Variants in CUL4A observed in about 807,000 individuals in gnomAD.
CUL4A encodes cullin-4A.
A neutral mutation model predicts 95.5 loss-of-function variants in CUL4A; 16 were observed. The observed-to-expected ratio is 0.17, with a 90% confidence interval of 0.11 to 0.25. The LOEUF is 0.25. CUL4A is among the 10% of genes least tolerant of loss of function. CUL4A has a pLI of 1.00. For synonymous variants in CUL4A, 380 were observed against 353.1 expected (o/e 1.08, Z -0.85); for missense variants, 610 against 937.0 (o/e 0.65, Z 4.56).
chr13:113,223,020 G>A (rs1415044376), intron 3 of CUL4A, among the ~76,000 whole-genome samples: 4 of 152,156 alleles, frequency 2.6e-5, no homozygotes, highest in Admixed American at 1.3e-4. Flanking sequence ...TATGGCAGGC[G>A]GCTTAGTGAC....
At chr13:113,208,294 G>A (rs1359282373), upstream of CUL4A, 6 of 1,431,460 alleles carry the variant, frequency 4.2e-6, no homozygotes, top group African/African-American at 8.6e-5. Flanking sequence ...GCCTGGGAGC[G>A]CGGCCACACG....
intron 3 of CUL4A, among the ~76,000 whole-genome samples, chr13:113,222,417 T>A (rs2040932299): frequency 6.6e-6 from 1 of 152,072 alleles, no homozygotes; most frequent in South Asian, 2.1e-4. Context: ...ATCTGACTGC[T>A]GTGGAAGGAT....
In CUL4A at chr13:113,219,064, T is replaced by C; in HGVS notation, c.368+16T>C. ...CGTTTAGAGAATATCCTTTTTTTGG[T>C]TCATAAAGTTTCTATTCATTATCTA... On this transcript the variant is annotated intron_variant, in intron 3 of 19. Coordinates refer to ENST00000375440, the MANE Select transcript of CUL4A (RefSeq NM_001008895.4). 6.6e-7 allele frequency: 1 copy of C among 1,506,066 alleles called. No individual in the cohort carries two copies. The highest frequency in any genetic ancestry group is 9.1e-7 in the Non-Finnish European group (1 of 1,098,144). 93.3% of individuals were successfully genotyped at this position (1,506,066 alleles called of 1,614,324 possible). A position where few individuals can be genotyped will look rare whatever the true frequency, so the allele number is the denominator to read the frequency against.
chr13:113,226,708 T>C (rs2041116954), intron 3 of CUL4A, among the ~76,000 whole-genome samples: 3 of 152,184 alleles, frequency 2.0e-5, no homozygotes, highest in African/African-American at 7.2e-5. Context: ...AAGTTAAACC[T>C]GAGCCATTTT....
chr13:113,248,600 A>G (rs1461878291), intron 15 of CUL4A, among the ~76,000 whole-genome samples: 1 of 152,210 alleles, frequency 6.6e-6, no homozygotes, highest in Non-Finnish European at 1.5e-5. Context: ...AGTAACATCC[A>G]GTGCAGTTGT....
Position 113,264,575 on chromosome 13 carries a change from G to T in CUL4A, c.*993G>T, listed in dbSNP as rs1221440546. 1 of 152,590 alleles carries T rather than the reference G, an allele frequency of 6.6e-6. No individual in the cohort carries two copies. The highest frequency in any genetic ancestry group is 1.5e-5 in the Non-Finnish European group (1 of 68,026). 9.5% of individuals were successfully genotyped at this position (152,590 alleles called of 1,614,324 possible). On this transcript the variant is annotated 3_prime_UTR_variant, in exon 20 of 20. Transcript: ENST00000375440. ...TTTGTGTTGTGTATATATACATGAG[G>T]TTGAACAGTGAAAGGAAAGTTCAGT...
intron 2 of CUL4A, among the ~76,000 whole-genome samples, chr13:113,217,640 T>C (rs2040743553): frequency 6.6e-6 from 1 of 152,208 alleles, no homozygotes; most frequent in South Asian, 2.1e-4. Context: ...ATTAGTAAAA[T>C]GAATAGCTTT....
At chr13:113,216,643 C>T (rs1434061644) in intron 2 of CUL4A, among the ~76,000 whole-genome samples, 1 of 152,222 alleles carries the variant, frequency 6.6e-6, no homozygotes, top group Non-Finnish European at 1.5e-5. Flanking sequence ...ACAGTACCAT[C>T]TGATTAGTTG....
At chr13:113,254,487 CG>C (rs1340490615) in intron 16 of CUL4A, among the ~76,000 whole-genome samples, 1 of 151,906 alleles carries the variant, frequency 6.6e-6, no homozygotes, top group Non-Finnish European at 1.5e-5. Flanking sequence ...CCCAGCTACT[CG>C]GGAGGCTGAG....
intron 18 of CUL4A, among the ~76,000 whole-genome samples, chr13:113,260,128 C>CG (rs1424132797): frequency 7.1e-6 from 1 of 141,498 alleles, no homozygotes; most frequent in Non-Finnish European, 1.5e-5. Context: ...GGCGTGAACC[C>CG]GGGGGGCGGA....
At chr13:113,257,616 G>A (rs1179532383) in intron 18 of CUL4A, among the ~76,000 whole-genome samples, 2 of 152,076 alleles carry the variant, frequency 1.3e-5, no homozygotes. Flanking sequence ...CCAAGGGGAG[G>A]GCCCAAGCCA....
chr13:113,219,202 C>T (rs954762908), intron 3 of CUL4A, 154 bp downstream of exon 3: 1 of 504,056 alleles, frequency 2.0e-6, no homozygotes, highest in Admixed American at 3.8e-5. Context: ...CGAAATTTAC[C>T]ATTTAAATTA....
chr13:113,220,504 T>C (rs1439960179), intron 3 of CUL4A, among the ~76,000 whole-genome samples: 1 of 152,210 alleles, frequency 6.6e-6, no homozygotes, highest in Non-Finnish European at 1.5e-5. Context: ...GCAATGCGCT[T>C]CCAGGAACCT....
intron 15 of CUL4A, among the ~76,000 whole-genome samples, chr13:113,250,521 G>T (rs1226311584): frequency 6.6e-6 from 1 of 152,182 alleles, no homozygotes; most frequent in Non-Finnish European, 1.5e-5. Context: ...TAGCTCATAT[G>T]TTTCAGTCTT....
intron 2 of CUL4A, 33 bp downstream of exon 2, chr13:113,210,121 C>G: frequency 7.2e-7 from 1 of 1,392,764 alleles, no homozygotes; most frequent in Non-Finnish European, 9.5e-7. Context: ...GGACGCCGCT[C>G]CTGCCCCGCG....
chr13:113,243,300 T>C (rs2041771454), intron 11 of CUL4A, 140 bp downstream of exon 11: 1 of 712,620 alleles, frequency 1.4e-6, no homozygotes, highest in Non-Finnish European at 2.2e-6. Flanking sequence ...AAAGCGTTTT[T>C]ATCAAGTCTT....
Position 113,239,480 on chromosome 13 carries a change from A to G in CUL4A, c.964A>G (p.Met322Val). Residue 322 changes from methionine to valine, a missense_variant, in exon 10 of 20, where the codon ATG (methionine) becomes GTG (valine). Physicochemically the swap from Met to Val is conservative, Grantham distance 21 (BLOSUM62 1). This residue lies in a region of CUL4A where 153 missense variants were observed against 244.5 expected (regional missense o/e 0.63). Transcript: ENST00000375440. The stretch of plus-strand genomic sequence containing the variant: ...GAACAGAGTGCCGGACCTCGCACAG[A>G]TGTACCAGCTGTTCAGCCGGGTGAG... ...DENRVPDLAQ[M>V]YQLFSRVRGG... 6.2e-7 allele frequency: 1 copy of G among 1,613,984 alleles called. No individual in the cohort carries two copies. The highest frequency in any genetic ancestry group is 8.5e-7 in the Non-Finnish European group (1 of 1,179,982).
At chr13:113,223,387 A>G (rs9549698) in intron 3 of CUL4A, among the ~76,000 whole-genome samples, 34,313 of 151,654 alleles carry the variant, frequency 0.23, 4,614 homozygotes, top group South Asian at 0.45. Context: ...AGATTTAAGT[A>G]ATTTGTTGTT....
At chr13:113,244,820 A>G (rs1026308234) in intron 12 of CUL4A, 129 bp from the exon 13 acceptor site, 5 of 662,466 alleles carry the variant, frequency 7.5e-6, no homozygotes, top group African/African-American at 7.3e-5. Context: ...AGCCTGGGCA[A>G]CAGAGCAAGA....
Sources: gnomAD v4.1 joint callset for allele counts (sites outside exome capture counted in the v4.1 genomes callset) on GRCh38, gnomAD v4.1.1 for gene constraint, gnomAD v4.1.1 regional missense constraint, MANE v1.5 for transcripts, NCBI Gene and HGNC (gene_info 2026-07-23, HGNC 2026-07-21) for gene names.